ARMH4: variants seen among roughly 807,000 people sequenced by gnomAD.
ARMH4 encodes the protein armadillo like helical domain containing 4.
A neutral mutation model predicts 61.9 loss-of-function variants in ARMH4; 49 were observed. The observed-to-expected ratio is 0.79, with a 90% CI of 0.63 to 1.00. ARMH4 has a LOEUF of 1.00. Among genes scored for constraint, ARMH4 ranks in the 50% least tolerant of loss-of-function variants. The probability of loss-of-function intolerance (pLI) is 0.00; values close to 1 mark genes in which losing one functional copy is unlikely to be tolerated. For missense variants in ARMH4, 934 were observed against 930.0 expected, an observed-to-expected ratio of 1.00 and a Z score of -0.06; for synonymous variants, 368 against 341.5, an observed-to-expected ratio of 1.08 and a Z score of -0.85.
intron 5 of ARMH4, among the ~76,000 whole-genome samples, chr14:58,038,574 AAAG>A (rs914320612): frequency 1.3e-5 from 2 of 151,774 alleles, no homozygotes; most frequent in East Asian, 1.9e-4. Context: ...AAAAAAAAAA[AAAG>A]AAATACTTAA....
intron 5 of ARMH4, among the ~76,000 whole-genome samples, chr14:58,058,297 C>T (rs987320937): frequency 1.3e-5 from 2 of 151,820 alleles, no homozygotes; most frequent in African/African-American, 4.8e-5. Context: ...GGAATAGCAA[C>T]AAGGGGAAAA....
At chr14:58,070,981 A>G (rs1280950745) in intron 5 of ARMH4, among the ~76,000 whole-genome samples, 1 of 151,972 alleles carries the variant, frequency 6.6e-6, no homozygotes, top group Non-Finnish European at 1.5e-5. Flanking sequence ...TCTTTCTGTT[A>G]TTTTGTAACC....
intron 5 of ARMH4, among the ~76,000 whole-genome samples, chr14:58,095,475 G>T (rs576327004): frequency 6.6e-6 from 1 of 152,268 alleles, no homozygotes; most frequent in African/African-American, 2.4e-5. Context: ...ACAGACCAGA[G>T]ATAATCTTAT....
At chr14:58,099,568 T>C (rs1885886041) in intron 4 of ARMH4, among the ~76,000 whole-genome samples, 1 of 151,990 alleles carries the variant, frequency 6.6e-6, no homozygotes. Flanking sequence ...AAAAAAAGAT[T>C]AGAAAAGAAG....
At chr14:58,140,567 TC>T (rs1887504903) in intron 1 of ARMH4, among the ~76,000 whole-genome samples, 1 of 149,192 alleles carries the variant, frequency 6.7e-6, no homozygotes, top group South Asian at 2.1e-4. Context: ...GACAGGAGAA[TC>T]CGTCTCAAAA....
chr14:58,143,356 G>T (rs1887627826), intron 1 of ARMH4, among the ~76,000 whole-genome samples: 1 of 152,310 alleles, frequency 6.6e-6, no homozygotes, highest in African/African-American at 2.4e-5. Context: ...CAAACAATCT[G>T]CAAGGATAAT....
chr14:58,100,279 C>G (rs1241298596), intron 4 of ARMH4, among the ~76,000 whole-genome samples: 2 of 152,162 alleles, frequency 1.3e-5, no homozygotes, highest in Non-Finnish European at 2.9e-5. Flanking sequence ...AGTACATTCT[C>G]AGAGAAATGG....
chr14:58,046,772 C>A (rs1271814235), intron 5 of ARMH4, among the ~76,000 whole-genome samples: 1 of 152,196 alleles, frequency 6.6e-6, no homozygotes, highest in African/African-American at 2.4e-5. Context: ...TGAGAAATAT[C>A]TGGACAGACT....
At chr14:58,005,211 A>C in intron 6 of ARMH4, 29 bp from the exon 7 acceptor site, 1 of 1,613,558 alleles carries the variant, frequency 6.2e-7, no homozygotes, top group Non-Finnish European at 8.5e-7. Flanking sequence ...ACACATTAGG[A>C]TGCTAAACAG....
intron 5 of ARMH4, among the ~76,000 whole-genome samples, chr14:58,024,688 T>C (rs1311131452): frequency 6.6e-6 from 1 of 152,198 alleles, no homozygotes; most frequent in Non-Finnish European, 1.5e-5. Context: ...GCTTAACATT[T>C]ATAGCCTTTG....
intron 5 of ARMH4, among the ~76,000 whole-genome samples, chr14:58,033,154 C>A (rs1163962708): frequency 3.3e-4 from 34 of 103,512 alleles, no homozygotes; most frequent in African/African-American, 1.1e-3. Context: ...GTGTCCCTGT[C>A]TGACAGCTTT....
intron 5 of ARMH4, among the ~76,000 whole-genome samples, chr14:58,095,434 C>A (rs1205716704): frequency 6.6e-6 from 1 of 152,176 alleles, no homozygotes; most frequent in African/African-American, 2.4e-5. Flanking sequence ...AGAACAGAAG[C>A]ATTTCAGACT....
At chr14:58,110,126 G>T (rs55828609) in intron 4 of ARMH4, among the ~76,000 whole-genome samples, 11,118 of 152,188 alleles carry the variant, frequency 0.073, 548 homozygotes, top group Middle Eastern at 0.14. Context: ...GGGATACAGA[G>T]CCAAACCGTA....
chr14:58,142,942 G>A (rs1018822249), intron 1 of ARMH4, among the ~76,000 whole-genome samples: 6 of 152,098 alleles, frequency 3.9e-5, no homozygotes, highest in African/African-American at 1.4e-4. Context: ...TGGATTTAGA[G>A]CTAAGGCTTC....
At chr14:58,079,499 T>C (rs909071624) in intron 5 of ARMH4, among the ~76,000 whole-genome samples, 10 of 152,190 alleles carry the variant, frequency 6.6e-5, no homozygotes, top group African/African-American at 2.4e-4. Context: ...AATTACCTCT[T>C]CAAGGCTCCA....
chr14:58,146,847 A>C (rs1887744599), intron 1 of ARMH4, among the ~76,000 whole-genome samples: 1 of 152,222 alleles, frequency 6.6e-6, no homozygotes, highest in Non-Finnish European at 1.5e-5. Context: ...AATCATTCTC[A>C]CCAGTGATGA....
intron 5 of ARMH4, among the ~76,000 whole-genome samples, chr14:58,018,939 T>TA (rs540897912): frequency 1.3e-5 from 2 of 152,202 alleles, no homozygotes; most frequent in African/African-American, 4.8e-5. Flanking sequence ...TATTCAGCCA[T>TA]AAAAAAGGAA....
At chr14:58,012,371 A>C (rs892329752) in intron 5 of ARMH4, among the ~76,000 whole-genome samples, 1 of 152,206 alleles carries the variant, frequency 6.6e-6, no homozygotes, top group Non-Finnish European at 1.5e-5. Context: ...TAAATGGAGA[A>C]TATTTTTGTT....
intron 2 of ARMH4, among the ~76,000 whole-genome samples, chr14:58,135,994 T>C (rs1794767772): frequency 1.3e-5 from 2 of 152,148 alleles, no homozygotes; most frequent in African/African-American, 4.8e-5. Flanking sequence ...TTCCTCTTGG[T>C]ACAAAGAACA....
Sources: gnomAD v4.1 joint callset for allele counts (sites outside exome capture counted in the v4.1 genomes callset) on GRCh38, gnomAD v4.1.1 for gene constraint, MANE v1.5 for transcripts, NCBI Gene and HGNC (gene_info 2026-07-23, HGNC 2026-07-21) for gene names.